RARB: variants seen among roughly 807,000 people sequenced by gnomAD.
RARB encodes HBV-activated protein.
In RARB, 17 loss-of-function variants were observed where a neutral mutation model predicts 51.9. The observed-to-expected ratio is 0.33, with a 90% CI of 0.22 to 0.49. The LOEUF (loss-of-function observed/expected upper bound fraction) is 0.49. RARB is among the 20% of genes least tolerant of loss of function. The pLI, the probability that RARB is intolerant of heterozygous loss-of-function variation, is 0.99. For missense variants in RARB, 369 were observed against 550.8 expected (o/e 0.67, Z 3.30); for synonymous variants, 215 against 195.4 (o/e 1.10, Z -0.84).
At chr3:25,464,078 A>G (rs1695316664) in intron 2 of RARB, among the ~76,000 whole-genome samples, 1 of 152,226 alleles carries the variant, frequency 6.6e-6, no homozygotes, top group Non-Finnish European at 1.5e-5. Flanking sequence ...ATATAAATAA[A>G]TGATTTTCTA....
intron 5 of RARB, among the ~76,000 whole-genome samples, chr3:25,309,432 C>A (rs1432842498): frequency 2.7e-5 from 4 of 150,004 alleles, no homozygotes; most frequent in Admixed American, 2.0e-4. Context: ...AGCCACCATG[C>A]CCGGCCTCCT....
chr3:25,395,233 A>G (rs1308504417), intron 5 of RARB, among the ~76,000 whole-genome samples: 1 of 152,194 alleles, frequency 6.6e-6, no homozygotes, highest in Non-Finnish European at 1.5e-5. Flanking sequence ...TAGGACCCCA[A>G]TCCCTTGTGG....
chr3:25,494,885 G>A (rs1696946271), intron 2 of RARB, among the ~76,000 whole-genome samples: 1 of 152,174 alleles, frequency 6.6e-6, no homozygotes, highest in Admixed American at 6.5e-5. Context: ...AATAACAGTA[G>A]CTGCTATTCA....
intron 3 of RARB, among the ~76,000 whole-genome samples, chr3:25,519,861 G>T (rs1340437885): frequency 6.6e-6 from 1 of 152,172 alleles, no homozygotes; most frequent in Non-Finnish European, 1.5e-5. Flanking sequence ...GAGAAAAATT[G>T]AGGCCAATAC....
In RARB at chr3:25,185,027, C is replaced by A. The variant is rs548821575; in HGVS notation, c.178+10452C>A. Among the ~76,000 whole-genome samples, 332 of 152,314 alleles carry A rather than the reference C, an allele frequency of 2.2e-3. 1 individual carries two copies. The highest frequency in any genetic ancestry group is 7.9e-3 in the African/African-American group (328 of 41,592). Reference sequence around the variant, plus strand: ...CAGGACAATCATTCCATTAATTATGCATTCTAACTTCCAAAATGCAAAGGT... The same window carrying A: ...CAGGACAATCATTCCATTAATTATGAATTCTAACTTCCAAAATGCAAAGGT... On this transcript the variant is annotated intron_variant, in intron 5 of 11. Coordinates refer to the RARB transcript ENST00000383772.
At chr3:25,297,542 G>A (rs1286096671) in intron 5 of RARB, among the ~76,000 whole-genome samples, 1 of 147,628 alleles carries the variant, frequency 6.8e-6, no homozygotes, top group Non-Finnish European at 1.5e-5. Context: ...TGGTTTGTTT[G>A]TTTTCTTGTA....
chr3:24,971,454 C>G (rs1166348272), intron 2 of RARB, among the ~76,000 whole-genome samples: 1 of 151,988 alleles, frequency 6.6e-6, no homozygotes, highest in Non-Finnish European at 1.5e-5. Context: ...TTTAGGATAA[C>G]AGTGTTTTAA....
intron 5 of RARB, among the ~76,000 whole-genome samples, chr3:25,359,941 T>G (rs1178627792): frequency 6.6e-6 from 1 of 152,244 alleles, no homozygotes; most frequent in Admixed American, 6.5e-5. Flanking sequence ...CTGAGAAGAA[T>G]GTATATTCTG....
intron 2 of RARB, among the ~76,000 whole-genome samples, chr3:24,913,206 G>T (rs140502250): frequency 6.6e-6 from 1 of 151,298 alleles, no homozygotes; most frequent in Admixed American, 6.6e-5. Context: ...CGATGGTCTC[G>T]ATCTCCTGAC....
intron 2 of RARB, among the ~76,000 whole-genome samples, chr3:25,000,382 A>C (rs1446168836): frequency 1.3e-5 from 2 of 152,126 alleles, no homozygotes; most frequent in Non-Finnish European, 2.9e-5. Flanking sequence ...GCATGTACTA[A>C]ATCACTTATG....
At chr3:25,153,135 AGT>A (rs59786696) in intron 4 of RARB, among the ~76,000 whole-genome samples, 31,726 of 149,516 alleles carry the variant, frequency 0.21, 3,356 homozygotes, top group South Asian at 0.26. Flanking sequence ...ATAGAGGCAG[AGT>A]GTGTGTGTGT....
intron 2 of RARB, among the ~76,000 whole-genome samples, chr3:25,002,917 A>C (rs530600993): frequency 2.0e-5 from 3 of 152,162 alleles, no homozygotes; most frequent in Admixed American, 1.3e-4. Context: ...GTTCCTGGCC[A>C]ATTTTATATG....
chr3:25,410,603 C>T (rs1016175379), intron 5 of RARB, among the ~76,000 whole-genome samples: 19 of 152,160 alleles, frequency 1.2e-4, no homozygotes, highest in Non-Finnish European at 1.5e-5. Context: ...CCCCTAAGCC[C>T]TGTTACAGTA....
intron 5 of RARB, among the ~76,000 whole-genome samples, chr3:25,190,620 G>A (rs1701078851): frequency 6.6e-6 from 1 of 152,038 alleles, no homozygotes; most frequent in Non-Finnish European, 1.5e-5. Flanking sequence ...GATTCCTTGA[G>A]GTGTGGTTAA....
At chr3:25,347,601 G>A in intron 5 of RARB, among the ~76,000 whole-genome samples, 1 of 152,190 alleles carries the variant, frequency 6.6e-6, no homozygotes, top group East Asian at 1.9e-4. Context: ...AGGAGCCCAA[G>A]TTAGCAGCCA....
Position 25,389,894 on chromosome 3 carries a change from C to A in RARB, c.179-71299C>A, listed in dbSNP as rs553833662. Among the ~76,000 whole-genome samples the A allele has an allele frequency of 2.2e-3, 339 of 152,174 alleles. 1 individual carries two copies. The highest frequency in any genetic ancestry group is 3.8e-3 in the Non-Finnish European group (261 of 67,998). ...AGGGTAATAATATTTGAGTCTTGAA[C>A]AAAAGTCAACCAAATGGGGAAGAGT... On this transcript the variant is annotated intron_variant, in intron 5 of 11. Transcript: ENST00000383772.
At chr3:25,223,028 G>A (rs1246448628) in intron 5 of RARB, among the ~76,000 whole-genome samples, 3 of 151,926 alleles carry the variant, frequency 2.0e-5, no homozygotes, top group African/African-American at 7.3e-5. Context: ...TAGCTTTATC[G>A]AGGTGTAATT....
intron 3 of RARB, among the ~76,000 whole-genome samples, chr3:25,544,033 G>A (rs543014219): frequency 1.2e-4 from 18 of 152,224 alleles, no homozygotes; most frequent in African/African-American, 4.1e-4. Context: ...AAGGACTGAC[G>A]GGAAAAGAAT....
chr3:25,210,529 C>CTTTTTTTTTTTTTTTTT (rs773846113), intron 5 of RARB, among the ~76,000 whole-genome samples: 8 of 27,632 alleles, frequency 2.9e-4, no homozygotes, highest in South Asian at 1.7e-3. Flanking sequence ...TTATCTGATT[C>CTTTTTTTTTTTTTTTTT]TTTTTTTTTT....
Sources: allele counts gnomAD v4.1 joint callset (sites outside exome capture counted in the v4.1 genomes callset), GRCh38; gene constraint gnomAD v4.1.1; transcripts MANE v1.5; gene names NCBI Gene and HGNC (gene_info 2026-07-23, HGNC 2026-07-21).